Variants in GLRB observed in about 807,000 individuals in gnomAD.
GLRB encodes the protein glycine receptor beta, also known as glycine receptor subunit beta.
GLRB carries 33 observed loss-of-function variants against 54.2 expected under a neutral mutation model. The observed-to-expected ratio is 0.61, with a 90% CI of 0.46 to 0.81. The LOEUF (loss-of-function observed/expected upper bound fraction) is 0.81, where lower values mean the gene tolerates loss of function less well. Among genes scored for constraint, GLRB ranks in the 40% least tolerant of loss-of-function variants. GLRB has a pLI of 0.00. For missense variants in GLRB, 572 were observed against 584.6 expected (o/e 0.98, Z 0.22); for synonymous variants, 209 against 208.2 (o/e 1.00, Z -0.03).
intron 2 of GLRB, among the ~76,000 whole-genome samples, chr4:157,092,315 G>A (rs1269854804): frequency 6.6e-6 from 1 of 152,132 alleles, no homozygotes; most frequent in Non-Finnish European, 1.5e-5. Flanking sequence ...GACTTTATCT[G>A]TAAAACAGAA....
At chr4:157,101,628 T>C (rs1190653818) in intron 2 of GLRB, among the ~76,000 whole-genome samples, 2 of 151,984 alleles carry the variant, frequency 1.3e-5, no homozygotes, top group African/African-American at 4.8e-5. Flanking sequence ...GACCTGAAAT[T>C]GGGGTTAACT....
At chr4:157,151,332 G>C (rs1737015209) in intron 8 of GLRB, among the ~76,000 whole-genome samples, 1 of 152,014 alleles carries the variant, frequency 6.6e-6, no homozygotes, top group Non-Finnish European at 1.5e-5. Flanking sequence ...CTGTAGTTTA[G>C]GGCAGTAATT....
rs1734026487 is a variant in GLRB at position 157,076,288 on chromosome 4, G to T, written c.-39G>T. On this transcript the variant is annotated 5_prime_UTR_variant, in exon 1 of 10. Coordinates refer to ENST00000264428, the MANE Select transcript of GLRB (RefSeq NM_000824.5). ...TCTCGCCCGGCGATTGTGGGCAGGG[G>T]CGCCTCCGGGTAAGTGCCAGGAGCT... 6.6e-6 allele frequency: 1 copy of T among 151,532 alleles called. No homozygotes were observed. The highest frequency in any genetic ancestry group is 1.9e-4 in the East Asian group (1 of 5,158). The allele number at this position is 151,532 out of a possible 1,614,324, so 9.4% of individuals were successfully genotyped here.
intron 4 of GLRB, among the ~76,000 whole-genome samples, chr4:157,133,561 G>C (rs924812761): frequency 2.0e-5 from 3 of 151,750 alleles, no homozygotes; most frequent in African/African-American, 4.8e-5. Flanking sequence ...TAAAAGCAAG[G>C]GGAGCTCACA....
intron 2 of GLRB, among the ~76,000 whole-genome samples, chr4:157,110,772 G>A (rs1002829763): frequency 1.3e-5 from 2 of 151,976 alleles, no homozygotes; most frequent in African/African-American, 4.8e-5. Flanking sequence ...TGCTAGAGAA[G>A]ACCTTCACCA....
rs115706901 is a variant in GLRB, at chr4:157,113,260, C to T, written c.123-7296C>T. 5.9e-3 allele frequency among the ~76,000 whole-genome samples: 903 copies of T among 151,852 alleles called. 12 individuals are homozygous for T. Among genetic ancestry groups the T allele is most frequent in the African/African-American group, 0.02 (847 of 41,474 alleles). Reference sequence around the variant, plus strand: ...CGCAGTTGGTTGCAGAGTTAGAAGTCGTAACTATGGATTTGTACTTGCTGG... The same window carrying T: ...CGCAGTTGGTTGCAGAGTTAGAAGTTGTAACTATGGATTTGTACTTGCTGG... On this transcript the variant is annotated intron_variant, in intron 2 of 9. Coordinates refer to ENST00000264428, the MANE Select transcript of GLRB (RefSeq NM_000824.5).
chr4:157,091,934 GA>G (rs1171156117), intron 2 of GLRB, among the ~76,000 whole-genome samples: 1 of 152,034 alleles, frequency 6.6e-6, no homozygotes, highest in Non-Finnish European at 1.5e-5. Context: ...ACTACTCTAT[GA>G]ACTCCCTGCC....
At chr4:157,117,251 G>A (rs1205545470) in intron 2 of GLRB, among the ~76,000 whole-genome samples, 1 of 151,642 alleles carries the variant, frequency 6.6e-6, no homozygotes, top group African/African-American at 2.4e-5. Context: ...ACTATGGCAG[G>A]CTTACCATGG....
chr4:157,086,303 A>G lies in GLRB; in HGVS notation c.122+8157A>G, dbSNP rs532341842. On this transcript the variant is annotated intron_variant, in intron 2 of 9. Coordinates refer to ENST00000264428, the MANE Select transcript of GLRB (RefSeq NM_000824.5). Reference sequence around the variant, plus strand: ...TACTTTGCTTTATAAAACATTTAAAATAAGTTTTAGTTGAGAATATGATTA... The same window carrying G: ...TACTTTGCTTTATAAAACATTTAAAGTAAGTTTTAGTTGAGAATATGATTA... 2.6e-5 allele frequency among the ~76,000 whole-genome samples: 4 copies of G among 152,336 alleles called. No individual in the cohort carries two copies. In the East Asian group the frequency reaches 7.7e-4, roughly 29 times the overall value.
At position 157,087,337 on chromosome 4, in the gene GLRB, A is replaced by G. The variant is rs756635495; in HGVS notation, c.122+9191A>G. On this transcript the variant is annotated intron_variant, in intron 2 of 9. Transcript: ENST00000264428. ...CTGTATCTCCTTTAGCACTTTTGCT[A>G]ATTGGCTGTATAACTTTCAATAAGT... 1.6e-4 allele frequency among the ~76,000 whole-genome samples: 25 copies of G among 152,166 alleles called. 1 individual carries two copies. The highest frequency in any genetic ancestry group is 6.3e-3 in the Middle Eastern group (2 of 316).
intron 7 of GLRB, 84 bp from the exon 8 acceptor site, chr4:157,143,723 C>T (rs1736699788): frequency 7.3e-7 from 1 of 1,370,476 alleles, no homozygotes; most frequent in Non-Finnish European, 1.0e-6. Flanking sequence ...ATGGAAGTGA[C>T]TTACCGTTTC....
Position 157,120,581 on chromosome 4 carries a change from C to A in GLRB, c.148C>A (p.Arg50=). Residue 50 remains arginine, a synonymous_variant, in exon 3 of 10, where the codon CGA becomes AGA. Transcript: ENST00000264428. ...PSQQSAEDLA[R]VPANSTSNIL... ...TCAGCAGTCAGCAGAGGACCTTGCCCGAGTACCTGCCAACTCCACTAGCAA... is the reference window on the plus strand; with the variant it reads ...TCAGCAGTCAGCAGAGGACCTTGCCAGAGTACCTGCCAACTCCACTAGCAA... 1 of 1,598,094 alleles carries A rather than the reference C, an allele frequency of 6.3e-7. No individual in the cohort carries two copies. The highest frequency in any genetic ancestry group is 8.6e-7 in the Non-Finnish European group (1 of 1,167,700).
chr4:157,103,579 A>C (rs563353762), intron 2 of GLRB, among the ~76,000 whole-genome samples: 1 of 152,284 alleles, frequency 6.6e-6, no homozygotes, highest in African/African-American at 2.4e-5. Flanking sequence ...AATTTTCTAT[A>C]TGAATTTCCA....
intron 8 of GLRB, among the ~76,000 whole-genome samples, chr4:157,150,806 A>G (rs1736995156): frequency 2.0e-5 from 3 of 151,840 alleles, no homozygotes; most frequent in African/African-American, 4.8e-5. Context: ...ACTGTTTTCA[A>G]ATGTTTTCTC....
chr4:157,141,879 T>A (rs910863573), intron 7 of GLRB, among the ~76,000 whole-genome samples: 2 of 152,188 alleles, frequency 1.3e-5, no homozygotes, highest in African/African-American at 4.8e-5. Flanking sequence ...CTCATGTGAA[T>A]GGACTATCAT....
At chr4:157,145,094 A>G (rs1240682119) in intron 8 of GLRB, among the ~76,000 whole-genome samples, 7 of 152,178 alleles carry the variant, frequency 4.6e-5, no homozygotes, top group Non-Finnish European at 1.0e-4. Flanking sequence ...GTTGTTATTC[A>G]TTAGAAGTTT....
chr4:157,153,014 A>T lies in GLRB; in HGVS notation c.1197+4A>T, dbSNP rs1007979267. 4 of 1,610,616 alleles carry T rather than the reference A, an allele frequency of 2.5e-6. No homozygotes were observed. Among genetic ancestry groups the T allele is most frequent in the Non-Finnish European group, 3.4e-6 (4 of 1,176,866 alleles). ...TGTTCATATTAGCACTTTGCAGGTAAGGATAAAATTATGCCATGAAATCAT... is the reference window on the plus strand; with the variant it reads ...TGTTCATATTAGCACTTTGCAGGTATGGATAAAATTATGCCATGAAATCAT... On this transcript the variant is annotated splice_donor_region_variant and intron_variant, in intron 9 of 9. Transcript: ENST00000264428.
intron 2 of GLRB, among the ~76,000 whole-genome samples, chr4:157,080,215 G>C (rs1734176827): frequency 6.6e-6 from 1 of 152,084 alleles, no homozygotes; most frequent in South Asian, 2.1e-4. Context: ...GTTCTCTTCT[G>C]ATGAATATGA....
At chr4:157,121,918 A>G (rs968554840) in intron 3 of GLRB, among the ~76,000 whole-genome samples, 7 of 151,664 alleles carry the variant, frequency 4.6e-5, no homozygotes, top group Non-Finnish European at 8.9e-5. Flanking sequence ...TACCTATTAA[A>G]GTAAGAATTT....
Sources: allele counts gnomAD v4.1 joint callset (sites outside exome capture counted in the v4.1 genomes callset), GRCh38; gene constraint gnomAD v4.1.1; transcripts MANE v1.5; gene names NCBI Gene and HGNC (gene_info 2026-07-23, HGNC 2026-07-21).